Variants in ACKR2 observed in about 807,000 individuals in gnomAD.
ACKR2 encodes the protein C-C chemokine receptor D6.
For missense variants in ACKR2, 457 were observed against 477.3 expected (o/e 0.96, Z 0.40); for synonymous variants, 207 against 192.2 (o/e 1.08, Z -0.64).
intron 2 of ACKR2, among the ~76,000 whole-genome samples, chr3:42,854,149 C>A (rs572704353): frequency 6.6e-6 from 1 of 152,204 alleles, no homozygotes; most frequent in Non-Finnish European, 1.5e-5. Flanking sequence ...TTTGGTCAAG[C>A]TCTGTGGGGG....
At chr3:42,827,882 CTTG>C (rs759135854) in intron 2 of ACKR2, among the ~76,000 whole-genome samples, 50 of 152,016 alleles carry the variant, frequency 3.3e-4, no homozygotes, top group Non-Finnish European at 4.3e-4. Context: ...CCATTTAGGA[CTTG>C]TTGATGGTTG....
intron 2 of ACKR2, among the ~76,000 whole-genome samples, chr3:42,858,660 G>A (rs1418785306): frequency 2.0e-5 from 3 of 152,032 alleles, no homozygotes. Context: ...GAACAAAACT[G>A]GATGGAGAAT....
intron 2 of ACKR2, among the ~76,000 whole-genome samples, chr3:42,844,826 C>T (rs1035730350): frequency 6.6e-6 from 1 of 152,224 alleles, no homozygotes; most frequent in African/African-American, 2.4e-5. Context: ...CCCAGAATTA[C>T]ATCAGTTCCA....
rs576723910 is a variant in ACKR2, at chr3:42,857,374, A to G, written c.-37-7092A>G. Among the ~76,000 whole-genome samples, 3 of 152,254 alleles carry G rather than the reference A, an allele frequency of 2.0e-5. No homozygotes were observed. The South Asian group carries it at 6.2e-4, about 32-fold the overall frequency. On this transcript the variant is annotated intron_variant, in intron 2 of 2. Coordinates refer to ENST00000422265, the MANE Select transcript of ACKR2 (RefSeq NM_001296.5). ...GTAGTTGGTGGAGTCATTCAGTTAG[A>G]TAGGCCTAGGAAAGAAGAAAGGGGC...
At chr3:42,819,001 A>T (rs1700782103) in intron 1 of ACKR2, among the ~76,000 whole-genome samples, 1 of 151,238 alleles carries the variant, frequency 6.6e-6, no homozygotes, top group African/African-American at 2.4e-5. Context: ...TTGGTGGGGG[A>T]AATGGGGGGC....
chr3:42,850,253 C>T (rs189958451), intron 2 of ACKR2, among the ~76,000 whole-genome samples: 1 of 152,272 alleles, frequency 6.6e-6, no homozygotes, highest in African/African-American at 2.4e-5. Context: ...GTCTTAATGT[C>T]CATTCTTGGT....
intron 1 of ACKR2, among the ~76,000 whole-genome samples, chr3:42,812,833 T>C (rs764200765): frequency 6.6e-6 from 1 of 151,974 alleles, no homozygotes; most frequent in Non-Finnish European, 1.5e-5. Flanking sequence ...ACTACAGGCA[T>C]GTGCCACCAC....
chr3:42,823,416 A>C (rs1253576997), intron 2 of ACKR2, among the ~76,000 whole-genome samples: 3 of 152,170 alleles, frequency 2.0e-5, no homozygotes, highest in Non-Finnish European at 2.9e-5. Flanking sequence ...CTGGGAGATC[A>C]GGGTGTGACC....
At chr3:42,818,046 A>G (rs1700771235) in intron 1 of ACKR2, among the ~76,000 whole-genome samples, 1 of 151,620 alleles carries the variant, frequency 6.6e-6, no homozygotes, top group African/African-American at 2.4e-5. Context: ...TTTTATTCTC[A>G]TCTGTATGCT....
intron 2 of ACKR2, among the ~76,000 whole-genome samples, chr3:42,855,287 AC>A (rs904899548): frequency 1.7e-4 from 26 of 152,174 alleles, no homozygotes; most frequent in African/African-American, 6.0e-4. Flanking sequence ...TTCAGATGCA[AC>A]TTGACTAGTG....
At chr3:42,812,573 GCT>G (rs1427932373) in intron 1 of ACKR2, among the ~76,000 whole-genome samples, 1 of 150,910 alleles carries the variant, frequency 6.6e-6, no homozygotes, top group Non-Finnish European at 1.5e-5. Flanking sequence ...CTAGCCCAGT[GCT>G]CTGTTTGCTT....
Position 42,852,604 on chromosome 3 carries a change from G to A in ACKR2, c.-37-11862G>A, listed in dbSNP as rs1454253692. Among the ~76,000 whole-genome samples, 1 of 152,130 alleles carries A rather than the reference G, an allele frequency of 6.6e-6. No homozygotes were observed. The highest frequency in any genetic ancestry group is 1.5e-5 in the Non-Finnish European group (1 of 68,020). On this transcript the variant is annotated intron_variant, in intron 2 of 2. Coordinates refer to ENST00000422265, the MANE Select transcript of ACKR2 (RefSeq NM_001296.5). This position sits in a 1 kb window ranked among gnomAD's most constrained non-coding sequence, Gnocchi z 4.3. ...AGCAGACAGCTATGTCTAGCTGGAA[G>A]CTGCAAGGGGACTCCTGCCCTGCTG... is the stretch of plus-strand genomic sequence containing the variant.
At chr3:42,853,510 C>A (rs1701185878) in intron 2 of ACKR2, among the ~76,000 whole-genome samples, 1 of 152,252 alleles carries the variant, frequency 6.6e-6, no homozygotes, top group African/African-American at 2.4e-5. Context: ...AGGAATCTAC[C>A]AATCTCAGCC....
chr3:42,860,183 A>AAAAAAAAAAAAAAAC (rs2088369038), intron 2 of ACKR2, among the ~76,000 whole-genome samples: 2 of 145,014 alleles, frequency 1.4e-5, no homozygotes, highest in Non-Finnish European at 3.0e-5. Context: ...AAAAAAAAAA[A>AAAAAAAAAAAAAAAC]AAAAAAGCAG....
chr3:42,816,953 T>G (rs368794844), intron 1 of ACKR2, among the ~76,000 whole-genome samples: 10 of 152,330 alleles, frequency 6.6e-5, no homozygotes, highest in African/African-American at 2.2e-4. Context: ...GCACTGGCTT[T>G]GGGCCCCTGG....
At chr3:42,829,262 G>A (rs1320650023) in intron 2 of ACKR2, among the ~76,000 whole-genome samples, 1 of 152,220 alleles carries the variant, frequency 6.6e-6, no homozygotes, top group Non-Finnish European at 1.5e-5. Context: ...CTGTTCATAA[G>A]TCCACATAGG....
intron 2 of ACKR2, among the ~76,000 whole-genome samples, chr3:42,832,729 T>G (rs1366670772): frequency 6.6e-6 from 1 of 152,162 alleles, no homozygotes; most frequent in Non-Finnish European, 1.5e-5. Flanking sequence ...AGAGTCTCAC[T>G]GTCGACCAGG....
chr3:42,825,207 C>T lies in ACKR2; in HGVS notation c.-38+5496C>T, dbSNP rs576879527. Among the ~76,000 whole-genome samples, 7 of 152,172 alleles carry T rather than the reference C, an allele frequency of 4.6e-5. No homozygotes were observed. In the South Asian group the frequency reaches 6.2e-4, roughly 14 times the overall value. On this transcript the variant is annotated intron_variant, in intron 2 of 2. Transcript: ENST00000422265. ...ATTCTGGGTTCCTTGCATTTCCATG[C>T]GAATTTTATAATAAGCATGTCTGTT...
At chr3:42,825,705 T>C (rs984023008) in intron 2 of ACKR2, among the ~76,000 whole-genome samples, 3 of 152,008 alleles carry the variant, frequency 2.0e-5, no homozygotes, top group Non-Finnish European at 4.4e-5. Flanking sequence ...TGCTTTTTAT[T>C]TTTCTTGCAC....
Sources: allele counts gnomAD v4.1 joint callset (sites outside exome capture counted in the v4.1 genomes callset), GRCh38; gene constraint gnomAD v4.1.1; non-coding constraint Gnocchi (gnomAD v3.1); transcripts MANE v1.5; gene names NCBI Gene and HGNC (gene_info 2026-07-23, HGNC 2026-07-21).